PGR: variants seen among roughly 807,000 people sequenced by gnomAD.
PGR encodes nuclear receptor subfamily 3 group C member 3.
PGR carries 25 observed loss-of-function variants against 76.1 expected under a neutral mutation model. The ratio of observed to expected loss-of-function variants is 0.33; its 90% confidence interval spans 0.24 to 0.46. The LOEUF is 0.46. PGR is among the 20% of genes least tolerant of loss of function. PGR has a pLI of 1.00. For synonymous variants in PGR, 579 were observed against 535.0 expected, an observed-to-expected ratio of 1.08 and a Z score of -1.14; for missense variants, 1,172 against 1,225.3, an observed-to-expected ratio of 0.96 and a Z score of 0.65.
chr11:101,075,975 C>T (rs562616345), intron 3 of PGR, among the ~76,000 whole-genome samples: 130 of 152,202 alleles, frequency 8.5e-4, no homozygotes, highest in African/African-American at 3.1e-3. Flanking sequence ...TGGGTATGTA[C>T]CCAAAGGATT....
chr11:101,089,689 AGAGG>A (rs940001825), intron 3 of PGR, among the ~76,000 whole-genome samples: 2 of 140,894 alleles, frequency 1.4e-5, no homozygotes, highest in African/African-American at 5.1e-5. Flanking sequence ...TTGAGGGAGA[AGAGG>A]GAGGAAGGAA....
chr11:101,095,216 G>A (rs561000167), intron 2 of PGR, among the ~76,000 whole-genome samples: 1 of 152,192 alleles, frequency 6.6e-6, no homozygotes, highest in Non-Finnish European at 1.5e-5. Flanking sequence ...CATTCAACAA[G>A]TATTGAGTAT....
At chr11:101,101,590 C>A (rs1861999790) in intron 2 of PGR, among the ~76,000 whole-genome samples, 1 of 152,180 alleles carries the variant, frequency 6.6e-6, no homozygotes, top group African/African-American at 2.4e-5. Flanking sequence ...AATACTCCTC[C>A]ATTTTCCAAC....
intron 2 of PGR, among the ~76,000 whole-genome samples, chr11:101,095,392 A>C (rs1323292211): frequency 1.3e-5 from 2 of 152,224 alleles, no homozygotes; most frequent in Non-Finnish European, 2.9e-5. Context: ...ACAAATAAAA[A>C]TAATAAAAGA....
intron 2 of PGR, among the ~76,000 whole-genome samples, chr11:101,116,710 A>C (rs1251418910): frequency 7.1e-6 from 1 of 141,460 alleles, no homozygotes; most frequent in Non-Finnish European, 1.5e-5. Context: ...ACTGCACTCC[A>C]GGCTGGGTGA....
rs1242743379 is a variant in PGR at position 101,030,318 on chromosome 11, A to C, written c.*8798T>G. The C allele has an allele frequency of 4.4e-6, 1 of 225,308 alleles. No individual in the cohort carries two copies. Among genetic ancestry groups the C allele is most frequent in the Non-Finnish European group, 8.8e-6 (1 of 113,166 alleles). 14.0% of individuals were successfully genotyped at this position (225,308 alleles called of 1,614,324 possible). On this transcript the variant is annotated 3_prime_UTR_variant, in exon 8 of 8. Transcript: ENST00000325455. ...TGTGAATATCTACCATGTGCAAAAC[A>C]GTCAAAGTATGTTAGGGGAAATTTA... is the stretch of plus-strand genomic sequence containing the variant.
rs760204256 is a variant in PGR, at chr11:101,113,955, C to T, written c.1789+12052G>A. On this transcript the variant is annotated intron_variant, in intron 2 of 7. Transcript: ENST00000325455. ...AGTTCTTCATACTTTCATCCGCCCC[C>T]CCATCCAAAGTGGCCTCTGGATGGG... 7.2e-5 allele frequency among the ~76,000 whole-genome samples: 11 copies of T among 152,236 alleles called. No individual in the cohort carries two copies. The East Asian group carries it at 2.1e-3, about 29-fold the overall frequency.
chr11:101,077,068 T>C (rs1861154048), intron 3 of PGR, among the ~76,000 whole-genome samples: 1 of 151,906 alleles, frequency 6.6e-6, no homozygotes, highest in Non-Finnish European at 1.5e-5. Context: ...AATTCAGAAG[T>C]TTTAATTTGC....
chr11:101,040,246 T>C (rs1304028537), intron 7 of PGR, among the ~76,000 whole-genome samples: 2 of 152,086 alleles, frequency 1.3e-5, no homozygotes, highest in East Asian at 3.9e-4. Flanking sequence ...TACTTAGTGG[T>C]AATCTCTCAG....
intron 4 of PGR, among the ~76,000 whole-genome samples, chr11:101,052,141 A>G (rs1369225400): frequency 1.3e-5 from 2 of 152,168 alleles, no homozygotes; most frequent in Non-Finnish European, 2.9e-5. Flanking sequence ...CAGTTGTGTT[A>G]TATCTAATTT....
At chr11:101,120,425 A>G (rs755753215) in intron 2 of PGR, among the ~76,000 whole-genome samples, 3 of 152,228 alleles carry the variant, frequency 2.0e-5, no homozygotes, top group Non-Finnish European at 4.4e-5. Flanking sequence ...TTCTGGAAAG[A>G]GAAGCAAGAC....
intron 2 of PGR, among the ~76,000 whole-genome samples, chr11:101,116,495 T>C (rs1322174102): frequency 6.6e-6 from 1 of 152,076 alleles, no homozygotes; most frequent in Admixed American, 6.5e-5. Flanking sequence ...ATCCCAACAC[T>C]TTGGGAGGCC....
At position 101,128,532 on chromosome 11, in the gene PGR, G is replaced by T. The variant is rs766095679; in HGVS notation, c.539C>A (p.Ala180Asp). 78 of 1,600,312 alleles carry T rather than the reference G, an allele frequency of 4.9e-5. No homozygotes were observed. Among genetic ancestry groups the T allele is most frequent in the Non-Finnish European group, 6.5e-5 (76 of 1,176,914 alleles). ...CKVGDSSGTA[A>D]AHKVLPRGLS... ...GCCCCGGGGCAGCACTTTATGGGCA[G>T]CTGCCGTCCCGGAGCTGTCTCCAAC... is the stretch of plus-strand genomic sequence containing the variant. Residue 180 changes from alanine (A) to aspartate (D), a missense_variant, in exon 1 of 8, where the codon GCT (alanine) becomes GAT (aspartate). Physicochemically the swap from Ala to Asp is moderately radical, Grantham distance 126. This residue lies in a region of PGR where 893 missense variants were observed against 785.9 expected (regional missense o/e 1.14). Coordinates refer to ENST00000325455, the MANE Select transcript of PGR (RefSeq NM_000926.4).
At chr11:101,053,919 G>GT (rs1386251712) in intron 4 of PGR, among the ~76,000 whole-genome samples, 2 of 152,036 alleles carry the variant, frequency 1.3e-5, no homozygotes, top group Admixed American at 6.6e-5. Context: ...AGAAAGCTGG[G>GT]TAAACCTCCT....
At chr11:101,091,269 A>G (rs1861666264) in intron 3 of PGR, among the ~76,000 whole-genome samples, 1 of 152,244 alleles carries the variant, frequency 6.6e-6, no homozygotes, top group African/African-American at 2.4e-5. Flanking sequence ...ACTCTTCATC[A>G]AATGGATTCC....
At chr11:101,039,475 T>G (rs1317682347) in intron 7 of PGR, among the ~76,000 whole-genome samples, 1 of 151,960 alleles carries the variant, frequency 6.6e-6, no homozygotes, top group Non-Finnish European at 1.5e-5. Context: ...CATTCTGATA[T>G]TATGGAAAGA....
At position 101,127,434 on chromosome 11, in the gene PGR, C is replaced by T; in HGVS notation, c.1637G>A (p.Arg546Lys). Residue 546 changes from arginine to lysine, a missense_variant and splice_region_variant, in exon 1 of 8, where the codon AGG becomes AAG. Coordinates refer to ENST00000325455, the MANE Select transcript of PGR (RefSeq NM_000926.4). ...QVYPPYLNYLRPDSEASQSPQ... is the reference protein window; with the variant it reads ...QVYPPYLNYLKPDSEASQSPQ... ...GGCGTGCCCCGTCCCGGGCCCTCAC[C>T]TCAGGTAGTTGAGATAGGGCGGGTA... 1 of 1,547,198 alleles carries T rather than the reference C, an allele frequency of 6.5e-7. No individual in the cohort carries two copies. Among genetic ancestry groups the T allele is most frequent in the South Asian group, 1.2e-5 (1 of 83,780 alleles).
Position 101,128,777 on chromosome 11 carries a change from G to T in PGR, c.294C>A (p.Gly98=), listed in dbSNP as rs909507244. Reference sequence around the variant, plus strand: ...CCTTTTCTGGGGGACTAGAACTGCTGCCTCCAGCACCCCTTGTAGCTTCAG... The same window carrying T: ...CCTTTTCTGGGGGACTAGAACTGCTTCCTCCAGCACCCCTTGTAGCTTCAG... ...SRAEATRGAG[G]SSSSPPEKDS... The change falls in exon 1 of 8, where the codon GGC becomes GGA. Residue 98 remains glycine (G), a synonymous_variant. Coordinates refer to ENST00000325455, the MANE Select transcript of PGR (RefSeq NM_000926.4). The T allele has an allele frequency of 2.4e-5, 38 of 1,614,066 alleles. No individual in the cohort carries two copies. Among genetic ancestry groups the T allele is most frequent in the Non-Finnish European group, 3.2e-5 (38 of 1,180,046 alleles).
chr11:101,080,808 A>C (rs1861279590), intron 3 of PGR, among the ~76,000 whole-genome samples: 1 of 152,076 alleles, frequency 6.6e-6, no homozygotes, highest in African/African-American at 2.4e-5. Context: ...GGAATTGAAA[A>C]ACTCACTTAA....
Sources: allele counts gnomAD v4.1 joint callset (sites outside exome capture counted in the v4.1 genomes callset), GRCh38; gene constraint gnomAD v4.1.1; regional missense constraint gnomAD v4.1.1; transcripts MANE v1.5; gene names NCBI Gene and HGNC (gene_info 2026-07-23, HGNC 2026-07-21).